The following IDE variants were observed in gnomAD, a reference collection of about 807,000 sequenced individuals.
IDE encodes the protein insulin degrading enzyme.
Under a neutral mutation model 133.2 loss-of-function variants are expected in IDE, and 58 were observed. The observed-to-expected ratio is 0.44, with a 90% CI of 0.35 to 0.54. The LOEUF (loss-of-function observed/expected upper bound fraction) is 0.54, where lower values mean the gene tolerates loss of function less well. Ranked by LOEUF, IDE falls within the 20% of genes least tolerant of loss-of-function variation. The probability of loss-of-function intolerance (pLI) is 0.00; values close to 1 mark genes in which losing one functional copy is unlikely to be tolerated. For synonymous variants in IDE, 396 were observed against 421.3 expected (o/e 0.94, Z 0.73); for missense variants, 981 against 1,234.0 (o/e 0.79, Z 3.07).
chr10:92,465,662 C>T lies in IDE; in HGVS notation c.2488+14G>A. ...AGTCTACAGTACCCTGCTATTTCCC[C>T]ACTTTCCTCTCACCCAACTGCTCCT... On this transcript the variant is annotated intron_variant, in intron 20 of 24. Coordinates refer to ENST00000265986, the MANE Select transcript of IDE (RefSeq NM_004969.4). 1 of 1,605,530 alleles carries T rather than the reference C, an allele frequency of 6.2e-7. No individual in the cohort carries two copies. The highest frequency in any genetic ancestry group is 8.5e-7 in the Non-Finnish European group (1 of 1,173,240).
At chr10:92,483,012 C>T (rs1272992092) in intron 14 of IDE, among the ~76,000 whole-genome samples, 1 of 152,040 alleles carries the variant, frequency 6.6e-6, no homozygotes, top group East Asian at 1.9e-4. Flanking sequence ...ACTCTCCTGA[C>T]CTCATGATCC....
chr10:92,570,905 A>C (rs951398953), intron 1 of IDE, among the ~76,000 whole-genome samples: 1 of 151,756 alleles, frequency 6.6e-6, no homozygotes, highest in Non-Finnish European at 1.5e-5. Context: ...GACAGAGTGA[A>C]ACCCTGTCTC....
intron 15 of IDE, among the ~76,000 whole-genome samples, chr10:92,476,334 T>C (rs1435576217): frequency 2.6e-5 from 4 of 152,050 alleles, no homozygotes; most frequent in African/African-American, 9.7e-5. Context: ...CCACTACGCC[T>C]GGTTAATATT....
chr10:92,471,819 C>T (rs1845983118), intron 17 of IDE, among the ~76,000 whole-genome samples: 1 of 152,176 alleles, frequency 6.6e-6, no homozygotes, highest in Non-Finnish European at 1.5e-5. Flanking sequence ...CTGCCTTAGC[C>T]TCTTGAGTAG....
intron 1 of IDE, among the ~76,000 whole-genome samples, chr10:92,558,086 C>G (rs1460492850): frequency 6.6e-6 from 1 of 152,034 alleles, no homozygotes; most frequent in African/African-American, 2.4e-5. Flanking sequence ...GTGTTTTGCT[C>G]TTGTTGCCCA....
At position 92,526,732 on chromosome 10, in the gene IDE, G is replaced by A. The variant is rs539409433; in HGVS notation, c.661+5016C>T. Among the ~76,000 whole-genome samples the A allele has an allele frequency of 4.0e-5, 6 of 151,602 alleles. No individual in the cohort carries two copies. In the South Asian group the frequency reaches 1.3e-3, roughly 32 times the overall value. On this transcript the variant is annotated intron_variant, in intron 4 of 24. Transcript: ENST00000265986. ...GTGGTAGTGTGTGCGTGTAGTCTCAGCTACTTGGGAGGCTGGGGTAGGAGG... is the reference window on the plus strand; with the variant it reads ...GTGGTAGTGTGTGCGTGTAGTCTCAACTACTTGGGAGGCTGGGGTAGGAGG...
chr10:92,544,350 T>G (rs1481982980), intron 1 of IDE, among the ~76,000 whole-genome samples: 4 of 152,158 alleles, frequency 2.6e-5, no homozygotes, highest in African/African-American at 9.7e-5. Context: ...CCATTCTCCT[T>G]AAGTGGTGGG....
intron 17 of IDE, among the ~76,000 whole-genome samples, chr10:92,471,462 A>G (rs778033872): frequency 9.2e-5 from 14 of 152,244 alleles, no homozygotes; most frequent in Admixed American, 2.0e-4. Flanking sequence ...TTTGTTGTTC[A>G]AAGTCATTAA....
At chr10:92,522,157 G>C (rs1024657805) in intron 4 of IDE, among the ~76,000 whole-genome samples, 2 of 152,184 alleles carry the variant, frequency 1.3e-5, no homozygotes, top group African/African-American at 4.8e-5. Flanking sequence ...GATTTGGTGT[G>C]TTATTATGTT....
chr10:92,483,242 T>G lies in IDE; in HGVS notation c.1739+13A>C, dbSNP rs1174860034. 7.2e-7 allele frequency: 1 copy of G among 1,397,548 alleles called. No individual in the cohort carries two copies. The allele number at this position is 1,397,548 out of a possible 1,614,324, so 86.6% of individuals were successfully genotyped here. A position where few individuals can be genotyped will look rare whatever the true frequency, so the allele number is the denominator to read the frequency against. On this transcript the variant is annotated intron_variant, in intron 14 of 24. Transcript: ENST00000265986. ...TTTTTATAAGCTTTATAAGCTAGAT[T>G]CATCTTACATACCTGAAAAATTCAA...
At chr10:92,456,497 T>C in intron 22 of IDE, 66 bp from the exon 23 acceptor site, 1 of 1,015,022 alleles carries the variant, frequency 9.9e-7, no homozygotes, top group Non-Finnish European at 1.6e-6. Context: ...AGGTGTTCTC[T>C]GAAGACTATG....
At chr10:92,503,358 T>C (rs1848129616) in intron 11 of IDE, among the ~76,000 whole-genome samples, 1 of 152,168 alleles carries the variant, frequency 6.6e-6, no homozygotes, top group Admixed American at 6.5e-5. Flanking sequence ...TAAATACAGA[T>C]AGGGTGTCAC....
chr10:92,523,303 C>T (rs1207461449), intron 4 of IDE, among the ~76,000 whole-genome samples: 2 of 151,904 alleles, frequency 1.3e-5, no homozygotes, highest in Non-Finnish European at 2.9e-5. Context: ...ATCGTTTGAA[C>T]CCAGGAGATG....
intron 14 of IDE, 145 bp downstream of exon 14, chr10:92,483,110 T>C: frequency 3.4e-6 from 2 of 587,284 alleles, no homozygotes; most frequent in Middle Eastern, 4.6e-4. Context: ...TTTATTTATT[T>C]ATTTTTTTCA....
At chr10:92,474,560 T>C (rs1452099061) in intron 17 of IDE, 1 of 221,932 alleles carries the variant, frequency 4.5e-6, no homozygotes, top group Non-Finnish European at 8.9e-6. Context: ...ATATAATGTA[T>C]AGTGATCACA....
chr10:92,477,686 T>C (rs921966544), intron 15 of IDE, among the ~76,000 whole-genome samples: 4 of 152,218 alleles, frequency 2.6e-5, no homozygotes, highest in African/African-American at 9.6e-5. Flanking sequence ...CTGTAGGAAC[T>C]AGACTGACAA....
chr10:92,492,276 G>T (rs1022877214), intron 11 of IDE, among the ~76,000 whole-genome samples: 1 of 151,384 alleles, frequency 6.6e-6, no homozygotes, highest in Admixed American at 6.6e-5. Context: ...AAAAAGAAAA[G>T]AAAAAAGTGT....
At chr10:92,485,143 T>C (rs76470720) in intron 13 of IDE, among the ~76,000 whole-genome samples, 3 of 146,238 alleles carry the variant, frequency 2.1e-5, no homozygotes, top group African/African-American at 7.6e-5. Context: ...TTTTTTTTTT[T>C]TGTGACAGAG....
chr10:92,487,994 A>G (rs1345835032), intron 12 of IDE, among the ~76,000 whole-genome samples: 1 of 151,808 alleles, frequency 6.6e-6, no homozygotes, highest in Non-Finnish European at 1.5e-5. Context: ...ATTGGGTTTC[A>G]CTGTTGCCCA....
Sources: allele counts gnomAD v4.1 joint callset (sites outside exome capture counted in the v4.1 genomes callset), GRCh38; gene constraint gnomAD v4.1.1; transcripts MANE v1.5; gene names NCBI Gene and HGNC (gene_info 2026-07-23, HGNC 2026-07-21).